MPRIP: variants seen among roughly 807,000 people sequenced by gnomAD.
MPRIP encodes the protein myosin phosphatase Rho-interacting protein.
Under a neutral mutation model 234.9 loss-of-function variants are expected in MPRIP, and 59 were observed. The observed-to-expected ratio is 0.25, with a 90% CI of 0.20 to 0.31. The LOEUF is 0.31. Among genes scored for constraint, MPRIP ranks in the 10% least tolerant of loss-of-function variants. MPRIP has a pLI of 1.00. For missense variants in MPRIP, 2,436 were observed against 3,071.0 expected (o/e 0.79, Z 4.89); for synonymous variants, 1,144 against 1,263.9 (o/e 0.91, Z 2.01).
intron 1 of MPRIP, among the ~76,000 whole-genome samples, chr17:17,065,961 G>C (rs540874319): frequency 1.6e-4 from 25 of 152,236 alleles, no homozygotes; most frequent in African/African-American, 5.1e-4. Context: ...TCCGTTGCTA[G>C]CATATAGAGA....
At chr17:17,091,287 G>A (rs757853274) in intron 3 of MPRIP, among the ~76,000 whole-genome samples, 38 of 152,132 alleles carry the variant, frequency 2.5e-4, no homozygotes, top group Non-Finnish European at 4.6e-4. Context: ...GGTCTGGGAA[G>A]GAGGGTCTTT....
At position 17,164,450 on chromosome 17, in the gene MPRIP, G is replaced by A. The variant is rs996363233; in HGVS notation, c.2859G>A (p.Arg953=). ...AGGCGGCGCTGAGCAGCCAGCTGAG[G>A]GCTAGCGAGCAGAAGCTCAAGAGTG... ...HSEAALSSQL[R]ASEQKLKSAE... Residue 953 remains arginine, a synonymous_variant, in exon 16 of 24, where the codon AGG becomes AGA. Coordinates refer to ENST00000651222, the MANE Select transcript of MPRIP (RefSeq NM_001364716.4). 7.2e-6 allele frequency: 9 copies of A among 1,246,634 alleles called. No individual in the cohort carries two copies. In the Admixed American group the frequency reaches 2.3e-4, roughly 32 times the overall value. The allele number at this position is 1,246,634 out of a possible 1,614,324, so 77.2% of individuals were successfully genotyped here.
chr17:17,164,511 CG>C lies in MPRIP; in HGVS notation c.2924del (p.Gly975AlafsTer39), dbSNP rs1282430427. The C allele has an allele frequency of 8.3e-7, 1 of 1,211,316 alleles. No homozygotes were observed. The highest frequency in any genetic ancestry group is 3.4e-5 in the Admixed American group (1 of 29,382). The allele number at this position is 1,211,316 out of a possible 1,614,324, so 75.0% of individuals were successfully genotyped here. ...GCTGCTGGAGAAGACGCAGGAGCTA[CG>C]GGGCCTGGAGACACAGCAGGCGCTG... ...ALLLEKTQELRGLETQQALQR... is the reference protein window; with the variant it reads ...ALLLEKTQELXGLETQQALQR... On this transcript the variant is annotated frameshift_variant, in exon 16 of 24. Coordinates refer to ENST00000651222, the MANE Select transcript of MPRIP (RefSeq NM_001364716.4). LOFTEE classifies it high-confidence loss of function.
chr17:17,172,621 G>T, intron 17 of MPRIP, 77 bp from the exon 18 acceptor site: 1 of 1,155,070 alleles, frequency 8.7e-7, no homozygotes, highest in Non-Finnish European at 1.3e-6. Flanking sequence ...ATCCCATTGT[G>T]TGGAGCTCCC....
Position 17,165,791 on chromosome 17 carries a change from G to A in MPRIP, c.4200G>A (p.Val1400=), listed in dbSNP as rs3744131. 0.63 allele frequency: 825,036 copies of A among 1,304,350 alleles called. 270,490 individuals are homozygous for A. Among genetic ancestry groups the A allele is most frequent in the East Asian group, 0.68 (12,321 of 18,014 alleles). 80.8% of individuals were successfully genotyped at this position (1,304,350 alleles called of 1,614,324 possible). Residue 1400 remains valine (V), a synonymous_variant, in exon 16 of 24, where the codon GTG becomes GTA. Transcript: ENST00000651222. The stretch of plus-strand genomic sequence containing the variant: ...TCACAGAGGAAAAGCTCAAAGACGT[G>A]ACCGTGAGGCTGGAGAGCCAGCAGG... ...LYVTEEKLKD[V]TVRLESQQGQ...
At chr17:17,060,539 G>A (rs2088837744) in intron 1 of MPRIP, among the ~76,000 whole-genome samples, 1 of 152,188 alleles carries the variant, frequency 6.6e-6, no homozygotes, top group Non-Finnish European at 1.5e-5. Context: ...GTGTGCCTCG[G>A]TTTCCTGGGG....
chr17:17,137,856 C>A (rs1410947886), intron 6 of MPRIP, 60 bp from the exon 7 acceptor site: 3 of 1,469,250 alleles, frequency 2.0e-6, no homozygotes, highest in Admixed American at 2.3e-5. Flanking sequence ...AAAAAAAAGT[C>A]CTCAAAGCAA....
chr17:17,093,261 C>G (rs2089761843), intron 3 of MPRIP, among the ~76,000 whole-genome samples: 1 of 152,196 alleles, frequency 6.6e-6, no homozygotes, highest in South Asian at 2.1e-4. Flanking sequence ...CGCATAGTCC[C>G]TGCATGAACT....
At chr17:17,115,109 T>C (rs1036204973) in intron 3 of MPRIP, among the ~76,000 whole-genome samples, 1 of 152,236 alleles carries the variant, frequency 6.6e-6, no homozygotes, top group Non-Finnish European at 1.5e-5. Context: ...TAGCAGATGC[T>C]GCACATCTTG....
rs2045993423 is a variant in MPRIP at position 17,166,243 on chromosome 17, G to C, written c.4652G>C (p.Cys1551Ser). The C allele has an allele frequency of 7.7e-7, 1 of 1,304,044 alleles. No individual in the cohort carries two copies. The highest frequency in any genetic ancestry group is 1.5e-5 in the African/African-American group (1 of 65,998). 80.8% of individuals were successfully genotyped at this position (1,304,044 alleles called of 1,614,324 possible). A position where few individuals can be genotyped will look rare whatever the true frequency, so the allele number is the denominator to read the frequency against. Residue 1551 changes from cysteine to serine, a missense_variant, in exon 16 of 24, where the codon TGC becomes TCC. Around this residue, in one of 4 missense-constraint regions of MPRIP, gnomAD observed 1,998 missense variants for 2,520.3 expected, o/e 0.79. Transcript: ENST00000651222. This position sits in a 1 kb window ranked among gnomAD's most constrained non-coding sequence, Gnocchi z 4.4. ...GGGAAGCCTGCCTCCCTGCAGCAGT[G>C]CTCCCAGTCTGAGTTGACAGAGCAG... ...ENGKPASLQQ[C>S]SQSELTEQEQ...
chr17:17,042,718 A>AGGCCG lies in MPRIP; in HGVS notation c.-121_-117dup, dbSNP rs1388825561. Reference sequence around the variant, plus strand: ...TGCAGCGAACCGCCCGCCGGGAAGGAGGCCGGGCCGGGCCTGCGGCGGGGC... The same window carrying AGGCCG: ...TGCAGCGAACCGCCCGCCGGGAAGGAGGCCGGGCCGGGCCGGGCCTGCGGCGGGGC... On this transcript the variant is annotated 5_prime_UTR_variant, in exon 1 of 24. Coordinates refer to ENST00000651222, the MANE Select transcript of MPRIP (RefSeq NM_001364716.4). 3.2e-6 allele frequency: 3 copies of AGGCCG among 932,368 alleles called. No homozygotes were observed. The highest frequency in any genetic ancestry group is 2.5e-6 in the Non-Finnish European group (2 of 788,764). 57.8% of individuals were successfully genotyped at this position (932,368 alleles called of 1,614,324 possible).
intron 3 of MPRIP, among the ~76,000 whole-genome samples, chr17:17,095,242 C>CCAAG (rs1210772206): frequency 6.6e-6 from 1 of 152,102 alleles, no homozygotes; most frequent in East Asian, 1.9e-4. Flanking sequence ...TCTCCTAGTT[C>CCAAG]CCTTTCTGTT....
rs748291628 is a variant in MPRIP at position 17,161,301 on chromosome 17, A to G, written c.2462A>G (p.Gln821Arg). 3.8e-5 allele frequency: 61 copies of G among 1,597,974 alleles called. No individual in the cohort carries two copies. The highest frequency in any genetic ancestry group is 5.0e-5 in the Non-Finnish European group (59 of 1,170,496). Residue 821 changes from glutamine to arginine, a missense_variant, in exon 15 of 24, where the codon CAG becomes CGG. By Grantham distance (43) the Gln-to-Arg change is conservative. Transcript: ENST00000651222. The part of the protein sequence containing the change: ...LLEQNRLLQD[Q>R]LRVALGREQS... ...GAGCAGAACCGGCTCCTGCAGGACC[A>G]GCTGAGGGTGGCCCTGGGCCGGGAG...
At chr17:17,168,074 A>T in intron 16 of MPRIP, 159 bp downstream of exon 16, 1 of 531,734 alleles carries the variant, frequency 1.9e-6, no homozygotes, top group Non-Finnish European at 2.9e-6. Context: ...CCTGGGCCGC[A>T]GGCTTAGCCT....
Position 17,166,679 on chromosome 17 carries a change from C to T in MPRIP, c.5088C>T (p.Gly1696=), listed in dbSNP as rs1298746067. 3.1e-6 allele frequency: 4 copies of T among 1,304,020 alleles called. No homozygotes were observed. Among genetic ancestry groups the T allele is most frequent in the East Asian group, 5.5e-5 (1 of 18,044 alleles). The allele number at this position is 1,304,020 out of a possible 1,614,324, so 80.8% of individuals were successfully genotyped here. A position where few individuals can be genotyped will look rare whatever the true frequency, so the allele number is the denominator to read the frequency against. Residue 1696 remains glycine, a synonymous_variant, in exon 16 of 24, where the codon GGC becomes GGT. Coordinates refer to ENST00000651222, the MANE Select transcript of MPRIP (RefSeq NM_001364716.4). This position sits in a 1 kb window ranked among gnomAD's most constrained non-coding sequence, Gnocchi z 4.4. ...AGAGCATCCAGGAGACCCTGCGGGG[C>T]ACCCAGACGGCCCTGCGGCAGCACA... ...RLQSIQETLR[G]TQTALRQHKC...
intron 3 of MPRIP, among the ~76,000 whole-genome samples, chr17:17,106,024 G>A (rs1567718163): frequency 6.6e-6 from 1 of 152,234 alleles, no homozygotes; most frequent in Admixed American, 6.5e-5. Context: ...GCACACCTGT[G>A]TAGCCAGTAC....
At position 17,138,822 on chromosome 17, in the gene MPRIP, G is replaced by C. The variant is rs918058534; in HGVS notation, c.1250+393G>C. ...TAGAGCTACATGTGGTGACAGAGGC[G>C]CTCCTCACCCTGGCAGTCCCAGGGT... On this transcript the variant is annotated intron_variant, in intron 7 of 23. Transcript: ENST00000651222. The surrounding 1 kb of genome is among the most constrained non-coding windows in gnomAD (Gnocchi z 5.8). Among the ~76,000 whole-genome samples, 1 of 152,134 alleles carries C rather than the reference G, an allele frequency of 6.6e-6. No individual in the cohort carries two copies. Among genetic ancestry groups the C allele is most frequent in the African/African-American group, 2.4e-5 (1 of 41,418 alleles).
chr17:17,088,968 G>A (rs1222852602), intron 3 of MPRIP, among the ~76,000 whole-genome samples: 3 of 152,226 alleles, frequency 2.0e-5, no homozygotes, highest in Non-Finnish European at 4.4e-5. Context: ...ACCTTAGGAA[G>A]GAGGTGTCCT....
At position 17,171,774 on chromosome 17, in the gene MPRIP, A is replaced by G. The variant is rs1292932307; in HGVS notation, c.6381A>G (p.Glu2127=). 6.2e-7 allele frequency: 1 copy of G among 1,613,818 alleles called. No homozygotes were observed. The highest frequency in any genetic ancestry group is 1.7e-5 in the Admixed American group (1 of 60,034). ...AAGAAACGCACCAGAAGAAGATTGA[A>G]GATCTCCAGAGGCAGCACCAGCGGG... ...AMEETHQKKI[E]DLQRQHQREL... Residue 2127 remains glutamate, a synonymous_variant, in exon 17 of 24, where the codon GAA becomes GAG. Coordinates refer to ENST00000651222, the MANE Select transcript of MPRIP (RefSeq NM_001364716.4).
Sources: gnomAD v4.1 joint callset for allele counts (sites outside exome capture counted in the v4.1 genomes callset) on GRCh38, gnomAD v4.1.1 for gene constraint, gnomAD v4.1.1 regional missense constraint, Gnocchi (gnomAD v3.1) non-coding constraint, MANE v1.5 for transcripts, NCBI Gene and HGNC (gene_info 2026-07-23, HGNC 2026-07-21) for gene names.